The following LIPK variants were observed in gnomAD, a reference collection of about 807,000 sequenced individuals.
LIPK encodes lipase family member K, also known as lipase member K.
Under a neutral mutation model 48.6 loss-of-function variants are expected in LIPK, and 32 were observed. The observed-to-expected ratio is 0.66, with a 90% CI of 0.50 to 0.88. The LOEUF is 0.88. Among genes scored for constraint, LIPK ranks in the 40% least tolerant of loss-of-function variants. LIPK has a pLI of 0.00. For missense variants in LIPK, 507 were observed against 478.5 expected (o/e 1.06, Z -0.56); for synonymous variants, 164 against 157.4 (o/e 1.04, Z -0.32).
intron 1 of LIPK, among the ~76,000 whole-genome samples, chr10:88,718,202 T>C (rs1268798661): frequency 6.6e-6 from 1 of 151,092 alleles, no homozygotes; most frequent in Non-Finnish European, 1.5e-5. Flanking sequence ...CCATAACTGA[T>C]GACAGGCAAG....
At chr10:88,740,096 A>T in intron 8 of LIPK, 29 bp downstream of exon 8, 1 of 1,571,146 alleles carries the variant, frequency 6.4e-7, no homozygotes, top group Non-Finnish European at 8.7e-7. Flanking sequence ...TGCTTGATGC[A>T]CACATATCTC....
chr10:88,730,185 A>C (rs531037580), intron 3 of LIPK, among the ~76,000 whole-genome samples: 10 of 152,332 alleles, frequency 6.6e-5, no homozygotes, highest in African/African-American at 9.6e-5. Context: ...TTTGAAAAAA[A>C]TTTAAGTTTT....
intron 3 of LIPK, 64 bp downstream of exon 3, chr10:88,726,976 G>A: frequency 1.1e-6 from 1 of 950,986 alleles, no homozygotes; most frequent in Non-Finnish European, 1.6e-6. Flanking sequence ...TGTCCTGGGA[G>A]AAGTCAAGCA....
At position 88,732,514 on chromosome 10, in the gene LIPK, T is replaced by A. The variant is rs185696908; in HGVS notation, c.632T>A (p.Met211Lys). The A allele has an allele frequency of 7.0e-4, 1,131 of 1,611,966 alleles. 3 individuals are homozygous for A. Among genetic ancestry groups the A allele is most frequent in the Admixed American group, 1.9e-3 (114 of 59,552 alleles). ...ACAGTTAAATACACCCAAAGTCCTA[T>A]GAAAAAACTAACAACCCTTTCCAGG... is the stretch of plus-strand genomic sequence containing the variant. ...VVTVKYTQSPMKKLTTLSRRV... is the reference protein window; with the variant it reads ...VVTVKYTQSPKKKLTTLSRRV... Residue 211 changes from methionine (M) to lysine (K), a missense_variant, in exon 6 of 10, where the codon ATG (methionine) becomes AAG (lysine). By Grantham distance (95) the Met-to-Lys change is moderately conservative (BLOSUM62 -1). Coordinates refer to ENST00000404190, the MANE Select transcript of LIPK (RefSeq NM_001080518.2).
intron 6 of LIPK, among the ~76,000 whole-genome samples, chr10:88,735,707 A>G (rs1329510650): frequency 6.6e-6 from 1 of 152,240 alleles, no homozygotes; most frequent in East Asian, 1.9e-4. Context: ...CAAAAGAGCT[A>G]CTAGAAGGAG....
At chr10:88,715,674 C>T (rs1225633136) in intron 1 of LIPK, among the ~76,000 whole-genome samples, 2 of 151,888 alleles carry the variant, frequency 1.3e-5, no homozygotes, top group Admixed American at 1.3e-4. Context: ...ATCTGCCATT[C>T]TGATCTTTCA....
chr10:88,749,684 G>A (rs117294464), intron 9 of LIPK, among the ~76,000 whole-genome samples: 5,592 of 93,920 alleles, frequency 0.06, 121 homozygotes, highest in Middle Eastern at 0.085. Flanking sequence ...AGGAAATACC[G>A]TTCTGGACAT....
At chr10:88,720,385 G>A (rs1415684800) in intron 1 of LIPK, among the ~76,000 whole-genome samples, 1 of 152,120 alleles carries the variant, frequency 6.6e-6, no homozygotes, top group Non-Finnish European at 1.5e-5. Context: ...GAGGGTAGGA[G>A]GAGGAAGAGG....
intron 1 of LIPK, among the ~76,000 whole-genome samples, chr10:88,714,041 G>T (rs547108348): frequency 6.6e-6 from 1 of 151,722 alleles, no homozygotes; most frequent in African/African-American, 2.4e-5. Context: ...TTTCTCTTTC[G>T]ATTTATTTTA....
intron 1 of LIPK, among the ~76,000 whole-genome samples, chr10:88,720,747 CAAGGAAGTCATAT>C (rs1351238651): frequency 1.3e-5 from 2 of 148,922 alleles, no homozygotes; most frequent in Non-Finnish European, 3.0e-5. Flanking sequence ...TATAAGTCTC[CAAGGAAGTCATAT>C]ATATAATATG....
At chr10:88,746,320 T>C (rs896005128) in intron 9 of LIPK, among the ~76,000 whole-genome samples, 1 of 152,010 alleles carries the variant, frequency 6.6e-6, no homozygotes, top group African/African-American at 2.4e-5. Context: ...AACAGCAGAA[T>C]ACATATTCTT....
At chr10:88,718,598 G>A (rs1441325370) in intron 1 of LIPK, among the ~76,000 whole-genome samples, 4 of 151,772 alleles carry the variant, frequency 2.6e-5, no homozygotes, top group Non-Finnish European at 2.9e-5. Flanking sequence ...ACTCAAATTT[G>A]TTAAGACAAA....
At chr10:88,711,946 A>G (rs1842034623) in intron 1 of LIPK, among the ~76,000 whole-genome samples, 2 of 152,112 alleles carry the variant, frequency 1.3e-5, no homozygotes, top group African/African-American at 2.4e-5. Flanking sequence ...AATCTGAGGT[A>G]TATTTTTGTA....
At chr10:88,729,252 T>TGGGGGGGGGGGGGGGGGTGGGG (rs71022537) in intron 3 of LIPK, among the ~76,000 whole-genome samples, 1 of 40,200 alleles carries the variant, frequency 2.5e-5, no homozygotes, top group Non-Finnish European at 4.0e-5. Flanking sequence ...GGCTATCTGT[T>TGGGGGGGGGGGGGGGGGTGGGG]GGGGGGGGGG....
Position 88,726,891 on chromosome 10 carries a change from A to G in LIPK, c.202A>G (p.Arg68Gly). The G allele has an allele frequency of 6.3e-7, 1 of 1,593,522 alleles. No homozygotes were observed. The highest frequency in any genetic ancestry group is 1.3e-5 in the African/African-American group (1 of 74,702). Residue 68 changes from arginine to glycine, a missense_variant, in exon 3 of 10, where the codon AGA becomes GGA. By Grantham distance (125) the Arg-to-Gly change is moderately radical. Coordinates refer to ENST00000404190, the MANE Select transcript of LIPK (RefSeq NM_001080518.2). ...TGGAATTTATAGGATTCCACATGGA[A>G]GAGGATGCCCAGGGAGGACAGGTAT... Reference protein sequence around the residue: ...ILGIYRIPHGRGCPGRTAPKP... With the variant: ...ILGIYRIPHGGGCPGRTAPKP...
At chr10:88,727,146 A>T (rs1203825617) in intron 3 of LIPK, among the ~76,000 whole-genome samples, 1 of 152,200 alleles carries the variant, frequency 6.6e-6, no homozygotes, top group Non-Finnish European at 1.5e-5. Context: ...TCTTCCTACC[A>T]AGCAAACACA....
rs1260434550 is a variant in LIPK, at chr10:88,724,634, G to A, written c.91G>A (p.Ala31Thr). 6.3e-7 allele frequency: 1 copy of A among 1,593,384 alleles called. No individual in the cohort carries two copies. The highest frequency in any genetic ancestry group is 8.5e-7 in the Non-Finnish European group (1 of 1,171,888). The change falls in exon 2 of 10, where the codon GCT (alanine) becomes ACT (threonine). Residue 31 changes from alanine to threonine, a missense_variant. Transcript: ENST00000404190. ...GAAAGGAAACAATGCAAACCCTGAA[G>A]CTAATATGAATATTGTAAGTCATTT... Reference protein sequence around the residue: ...DKKGNNANPEANMNISQIISY... With the variant: ...DKKGNNANPETNMNISQIISY...
rs912260277 is a variant in LIPK at position 88,709,264 on chromosome 10, A to T, written c.-12+2944A>T. ...TGAAGCTCTGTGTCACAAATCACAT[A>T]GTGATGCATCAACAAAAATTATTTT... On this transcript the variant is annotated intron_variant, in intron 1 of 9. Coordinates refer to ENST00000404190, the MANE Select transcript of LIPK (RefSeq NM_001080518.2). Among the ~76,000 whole-genome samples, 36 of 152,200 alleles carry T rather than the reference A, an allele frequency of 2.4e-4. 1 individual carries two copies. Among genetic ancestry groups the T allele is most frequent in the Admixed American group, 2.2e-3 (33 of 15,272 alleles).
chr10:88,714,309 T>C (rs1055114887), intron 1 of LIPK, among the ~76,000 whole-genome samples: 1 of 152,188 alleles, frequency 6.6e-6, no homozygotes, highest in Non-Finnish European at 1.5e-5. Flanking sequence ...AACTATTTGC[T>C]CCTTTGATTA....
Sources: gnomAD v4.1 joint callset for allele counts (sites outside exome capture counted in the v4.1 genomes callset) on GRCh38, gnomAD v4.1.1 for gene constraint, MANE v1.5 for transcripts, NCBI Gene and HGNC (gene_info 2026-07-23, HGNC 2026-07-21) for gene names.